KSR1: variants seen among roughly 807,000 people sequenced by gnomAD.
KSR1 encodes the protein kinase suppressor of ras 1.
KSR1 carries 35 observed loss-of-function variants against 92.9 expected under a neutral mutation model. The observed-to-expected ratio is 0.38, with a 90% CI of 0.29 to 0.50. The LOEUF (loss-of-function observed/expected upper bound fraction) is 0.50. Among genes scored for constraint, KSR1 ranks in the 20% least tolerant of loss-of-function variants. The pLI is 0.94. For missense variants in KSR1, 972 were observed against 1,158.5 expected, an observed-to-expected ratio of 0.84 and a Z score of 2.34; for synonymous variants, 467 against 472.6, an observed-to-expected ratio of 0.99 and a Z score of 0.15.
rs1207100006 is a variant in KSR1 at position 27,526,088 on chromosome 17, CTT to C, written c.232-24478_232-24477del. 7.2e-5 allele frequency among the ~76,000 whole-genome samples: 6 copies of C among 83,350 alleles called. 1 individual carries two copies. The highest frequency in any genetic ancestry group is 1.2e-4 in the Non-Finnish European group (5 of 42,968). The allele number at this position is 83,350 out of a possible 152,430, so 54.7% of individuals were successfully genotyped here. A position where few individuals can be genotyped will look rare whatever the true frequency, so the allele number is the denominator to read the frequency against. Reference sequence around the variant, plus strand: ...TTTCTTTCTCTTTCTTTCTTTCTTTCTTTCTTTCTCTCTCTCTCTCTCTCTCT... The same window carrying C: ...TTTCTTTCTCTTTCTTTCTTTCTTTCTCTTTCTCTCTCTCTCTCTCTCTCT... On this transcript the variant is annotated intron_variant, in intron 1 of 20. Transcript: ENST00000644974.
At chr17:27,597,194 AG>A in intron 9 of KSR1, 73 bp from the exon 10 acceptor site, 1 of 1,469,140 alleles carries the variant, frequency 6.8e-7, no homozygotes, top group Non-Finnish European at 9.3e-7. Context: ...CAGATGGGGA[AG>A]GGAGGGTGTG....
chr17:27,585,703 C>T (rs777126843), intron 5 of KSR1, 42 bp downstream of exon 5: 6 of 750,160 alleles, frequency 8.0e-6, no homozygotes, highest in South Asian at 2.9e-5. Context: ...ACCTGGGAGT[C>T]GTGTGTGCGT....
chr17:27,604,537 C>T (rs1277916791), intron 12 of KSR1, 143 bp from the exon 13 acceptor site: 4 of 746,646 alleles, frequency 5.4e-6, no homozygotes, highest in Admixed American at 4.1e-5. Flanking sequence ...TGCCTATTGC[C>T]ATGCTATCCA....
intron 1 of KSR1, among the ~76,000 whole-genome samples, chr17:27,523,385 T>TAA (rs11429386): frequency 2.5e-3 from 354 of 144,404 alleles, no homozygotes; most frequent in Middle Eastern, 7.2e-3. Flanking sequence ...TCTGTAAGGT[T>TAA]AAAAAAAAAA....
rs549588430 is a variant in KSR1 at position 27,594,480 on chromosome 17, C to T, written c.1299+1854C>T. On this transcript the variant is annotated intron_variant, in intron 9 of 20. Transcript: ENST00000644974. ...GCATCTCCACCCACCTGGACACCAC[C>T]CCTCAGCCCTCCTCACAGCACTCTC... 2.0e-5 allele frequency among the ~76,000 whole-genome samples: 3 copies of T among 152,174 alleles called. No individual in the cohort carries two copies. The South Asian group carries it at 6.2e-4, about 32-fold the overall frequency.
At chr17:27,552,773 A>C (rs991602585) in intron 2 of KSR1, among the ~76,000 whole-genome samples, 5 of 152,166 alleles carry the variant, frequency 3.3e-5, no homozygotes, top group African/African-American at 1.2e-4. Context: ...GGCCTCTGCT[A>C]TCTGGTTATT....
intron 9 of KSR1, among the ~76,000 whole-genome samples, chr17:27,595,444 T>C (rs1476417518): frequency 1.3e-5 from 2 of 152,242 alleles, no homozygotes; most frequent in African/African-American, 2.4e-5. Context: ...TAGGTGTTGA[T>C]GTTTTATTTT....
At position 27,487,391 on chromosome 17, in the gene KSR1, C is replaced by T. The variant is rs140658906; in HGVS notation, c.231+30517C>T. Among the ~76,000 whole-genome samples the T allele has an allele frequency of 7.2e-3, 1,090 of 152,192 alleles. 11 individuals are homozygous for T. The highest frequency in any genetic ancestry group is 0.025 in the African/African-American group (1,052 of 41,512). Reference sequence around the variant, plus strand: ...TGGAGGTTGCCATGAGCCGAGATCGCGCCTCTGCACACCAGCCTGCGTGAC... The same window carrying T: ...TGGAGGTTGCCATGAGCCGAGATCGTGCCTCTGCACACCAGCCTGCGTGAC... On this transcript the variant is annotated intron_variant, in intron 1 of 20. Coordinates refer to ENST00000644974, the MANE Select transcript of KSR1 (RefSeq NM_001394583.1).
intron 6 of KSR1, among the ~76,000 whole-genome samples, chr17:27,590,358 G>A (rs575469980): frequency 2.6e-5 from 4 of 152,282 alleles, no homozygotes; most frequent in East Asian, 1.9e-4. Context: ...GTATTCCATC[G>A]TATGGAAAGA....
At chr17:27,495,768 C>T (rs2068965128) in intron 1 of KSR1, among the ~76,000 whole-genome samples, 1 of 152,220 alleles carries the variant, frequency 6.6e-6, no homozygotes, top group Non-Finnish European at 1.5e-5. Context: ...GGCGGGTCTA[C>T]AGTCAGTTCA....
At chr17:27,552,829 C>T (rs2071443731) in intron 2 of KSR1, among the ~76,000 whole-genome samples, 1 of 152,194 alleles carries the variant, frequency 6.6e-6, no homozygotes, top group Non-Finnish European at 1.5e-5. Flanking sequence ...CCCTGAGAGC[C>T]TCTGGGTTCT....
chr17:27,585,436 G>A (rs2072929357), intron 4 of KSR1, among the ~76,000 whole-genome samples: 1 of 152,168 alleles, frequency 6.6e-6, no homozygotes. Context: ...GATGTCCCCT[G>A]GGGAGGCCTG....
Position 27,577,528 on chromosome 17 carries a change from G to A in KSR1, c.409G>A (p.Glu137Lys). 6.2e-7 allele frequency: 1 copy of A among 1,602,670 alleles called. No individual in the cohort carries two copies. Among genetic ancestry groups the A allele is most frequent in the Non-Finnish European group, 8.5e-7 (1 of 1,177,468 alleles). The change falls in exon 3 of 21, where the codon GAG (glutamate) becomes AAG (lysine). Residue 137 changes from glutamate (E) to lysine (K), a missense_variant. By Grantham distance (56) the Glu-to-Lys change is moderately conservative. Transcript: ENST00000644974. This position sits in a 1 kb window ranked among gnomAD's most constrained non-coding sequence, Gnocchi z 4.5. ...PRDLTLDALL[E>K]MNEAKVKETL... ...AGACCTCACGCTGGATGCCCTGCTG[G>A]AGATGAATGAGGCCAAGGTGAAGGA...
chr17:27,548,220 A>AC (rs1211665224), intron 1 of KSR1, among the ~76,000 whole-genome samples: 2 of 142,386 alleles, frequency 1.4e-5, no homozygotes, highest in East Asian at 4.0e-4. Context: ...ACATAGTGAG[A>AC]CCCCATCTCA....
chr17:27,468,719 T>G lies in KSR1; in HGVS notation c.231+11845T>G, dbSNP rs150690822. Among the ~76,000 whole-genome samples the G allele has an allele frequency of 2.7e-3, 406 of 152,294 alleles. 5 individuals carry two copies. In the Middle Eastern group the frequency reaches 0.031, roughly 11 times the overall value. On this transcript the variant is annotated intron_variant, in intron 1 of 20. Transcript: ENST00000644974. The stretch of plus-strand genomic sequence containing the variant: ...TTTCCTATGAAAAGGCAGTTTTGAT[T>G]ATTTTCTCCTAAGCTTGCTCTGGCT...
chr17:27,548,477 G>A lies in KSR1; in HGVS notation c.232-2091G>A, dbSNP rs113719152. Among the ~76,000 whole-genome samples, 894 of 152,198 alleles carry A rather than the reference G, an allele frequency of 5.9e-3. 2 individuals are homozygous for A. Among genetic ancestry groups the A allele is most frequent in the African/African-American group, 0.012 (517 of 41,508 alleles). On this transcript the variant is annotated intron_variant, in intron 1 of 20. Coordinates refer to ENST00000644974, the MANE Select transcript of KSR1 (RefSeq NM_001394583.1). ...GAGTCCTTGCTCTTTAGAAAAATGT[G>A]CTAAGGTCCCGGTGCAGTGGTCCTA...
At chr17:27,608,077 C>T (rs966565374) in intron 15 of KSR1, 67 bp downstream of exon 15, 10 of 1,151,842 alleles carry the variant, frequency 8.7e-6, no homozygotes, top group Middle Eastern at 1.9e-4. Context: ...CTGTTCCTCT[C>T]GCCCTGTTAC....
At chr17:27,533,633 C>T (rs1456915657) in intron 1 of KSR1, among the ~76,000 whole-genome samples, 1 of 152,146 alleles carries the variant, frequency 6.6e-6, no homozygotes, top group Non-Finnish European at 1.5e-5. Context: ...CTGCCCGCCT[C>T]GGCCTCCCAA....
chr17:27,469,443 G>A (rs2019863963), intron 1 of KSR1, among the ~76,000 whole-genome samples: 1 of 152,082 alleles, frequency 6.6e-6, no homozygotes, highest in African/African-American at 2.4e-5. Context: ...CAAGCACTTG[G>A]TAGGACATTG....
Sources: gnomAD v4.1 joint callset for allele counts (sites outside exome capture counted in the v4.1 genomes callset) on GRCh38, gnomAD v4.1.1 for gene constraint, Gnocchi (gnomAD v3.1) non-coding constraint, MANE v1.5 for transcripts, NCBI Gene and HGNC (gene_info 2026-07-23, HGNC 2026-07-21) for gene names.